Variants in EPHB1 observed in about 807,000 individuals in gnomAD.
EPHB1 encodes EPH receptor B1, also known as ephrin type-B receptor 1.
In EPHB1, 30 loss-of-function variants were observed where a neutral mutation model predicts 94.4. The observed-to-expected ratio is 0.32, with a 90% confidence interval of 0.24 to 0.43. The LOEUF (loss-of-function observed/expected upper bound fraction) is 0.43, where lower values mean the gene tolerates loss of function less well. Among genes scored for constraint, EPHB1 ranks in the 20% least tolerant of loss-of-function variants. The pLI, the probability that EPHB1 is intolerant of heterozygous loss-of-function variation, is 1.00. For synonymous variants in EPHB1, 522 were observed against 489.1 expected, an observed-to-expected ratio of 1.07 and a Z score of -0.89; for missense variants, 1,055 against 1,308.3, an observed-to-expected ratio of 0.81 and a Z score of 2.99.
At chr3:135,165,325 G>A (rs1214668718) in intron 7 of EPHB1, among the ~76,000 whole-genome samples, 2 of 152,172 alleles carry the variant, frequency 1.3e-5, no homozygotes, top group African/African-American at 4.8e-5. Context: ...ACATGGTAAC[G>A]CCAGGGTTTA....
chr3:135,042,902 C>T (rs930922052), intron 3 of EPHB1, among the ~76,000 whole-genome samples: 4 of 152,002 alleles, frequency 2.6e-5, no homozygotes, highest in Admixed American at 1.3e-4. Flanking sequence ...AGTGCAGTGG[C>T]GCAATCTCGG....
chr3:134,842,279 A>G (rs2036790960), intron 1 of EPHB1, among the ~76,000 whole-genome samples: 1 of 152,182 alleles, frequency 6.6e-6, no homozygotes, highest in South Asian at 2.1e-4. Context: ...GAGAACTGTG[A>G]GACATAAATT....
intron 4 of EPHB1, among the ~76,000 whole-genome samples, chr3:135,110,581 G>A: frequency 6.6e-6 from 1 of 152,178 alleles, no homozygotes; most frequent in Non-Finnish European, 1.5e-5. Flanking sequence ...CAAATTACGA[G>A]GTTGTGAGAA....
At chr3:135,254,746 G>A (rs1392396933) in intron 15 of EPHB1, among the ~76,000 whole-genome samples, 1 of 152,032 alleles carries the variant, frequency 6.6e-6, no homozygotes, top group East Asian at 1.9e-4. Context: ...GAGTTAGGGA[G>A]GATTCCCTCT....
At position 134,795,613 on chromosome 3, in the gene EPHB1, T is replaced by C; in HGVS notation, c.-19T>C. 1 of 1,603,478 alleles carries C rather than the reference T, an allele frequency of 6.2e-7. No homozygotes were observed. The highest frequency in any genetic ancestry group is 8.5e-7 in the Non-Finnish European group (1 of 1,176,104). On this transcript the variant is annotated 5_prime_UTR_variant, in exon 1 of 16. Coordinates refer to ENST00000398015, the MANE Select transcript of EPHB1 (RefSeq NM_004441.5). The stretch of plus-strand genomic sequence containing the variant: ...CTGCTGCCTCGGCTTGGTCTCGGCC[T>C]GCGGGCCGTCGGCCGGCGATGGCCC...
chr3:134,929,731 A>T (rs1303607799), intron 2 of EPHB1, among the ~76,000 whole-genome samples: 2 of 152,180 alleles, frequency 1.3e-5, no homozygotes, highest in African/African-American at 2.4e-5. Flanking sequence ...CCTTGACTTC[A>T]GATTTAAGAC....
chr3:135,166,710 C>T lies in EPHB1; in HGVS notation c.1695-232C>T, dbSNP rs557877986. Among the ~76,000 whole-genome samples the T allele has an allele frequency of 7.9e-5, 12 of 152,346 alleles. No individual in the cohort carries two copies. In the East Asian group the frequency reaches 2.3e-3, roughly 29 times the overall value. On this transcript the variant is annotated intron_variant, in intron 8 of 15. Coordinates refer to ENST00000398015, the MANE Select transcript of EPHB1 (RefSeq NM_004441.5). ...TCTGAATGGGGTCCCACAGTCCCGC[C>T]AGGCTTCTGCAAGACCTTGGCTGGA...
chr3:135,255,712 G>A, intron 15 of EPHB1, among the ~76,000 whole-genome samples: 1 of 151,300 alleles, frequency 6.6e-6, no homozygotes, highest in Non-Finnish European at 1.5e-5. Flanking sequence ...GGGGTGGAGA[G>A]TTCTGTAGAT....
intron 1 of EPHB1, among the ~76,000 whole-genome samples, chr3:134,813,105 G>A (rs941848418): frequency 1.3e-5 from 2 of 152,120 alleles, no homozygotes; most frequent in African/African-American, 4.8e-5. Context: ...AGTGGGCCAT[G>A]ATCTTCTCAA....
intron 3 of EPHB1, among the ~76,000 whole-genome samples, chr3:135,032,278 ATT>A (rs71157317): frequency 7.2e-6 from 1 of 139,178 alleles, no homozygotes; most frequent in Non-Finnish European, 1.6e-5. Context: ...TCTATCTCTG[ATT>A]TTTTTTTTCT....
At chr3:135,086,032 C>A (rs1351906652) in intron 3 of EPHB1, among the ~76,000 whole-genome samples, 4 of 152,042 alleles carry the variant, frequency 2.6e-5, no homozygotes, top group African/African-American at 9.7e-5. Flanking sequence ...AGGCCAGGGC[C>A]CTGGAGAGAA....
chr3:134,797,417 C>G (rs964798496), intron 1 of EPHB1, among the ~76,000 whole-genome samples: 5 of 152,342 alleles, frequency 3.3e-5, no homozygotes, highest in African/African-American at 9.6e-5. Context: ...CCAGACTGGA[C>G]TTGCAGCATT....
At chr3:135,143,526 G>A (rs955642054) in intron 5 of EPHB1, among the ~76,000 whole-genome samples, 12 of 152,150 alleles carry the variant, frequency 7.9e-5, no homozygotes, top group South Asian at 4.1e-4. Flanking sequence ...CACAACTTGC[G>A]GTGGGGTATC....
At chr3:135,242,691 C>T (rs1316393680) in intron 13 of EPHB1, among the ~76,000 whole-genome samples, 2 of 152,114 alleles carry the variant, frequency 1.3e-5, no homozygotes, top group East Asian at 3.9e-4. Flanking sequence ...AATCAGTAAG[C>T]GGTGGAGTTA....
At chr3:134,909,120 G>GGGGGGGC (rs1553864851) in intron 1 of EPHB1, among the ~76,000 whole-genome samples, 42 of 110,604 alleles carry the variant, frequency 3.8e-4, no homozygotes, top group African/African-American at 1.4e-3. Flanking sequence ...GGGGGCGGGG[G>GGGGGGGC]GCGGGCTGGA....
At chr3:134,829,641 T>A (rs899551985) in intron 1 of EPHB1, among the ~76,000 whole-genome samples, 1 of 152,194 alleles carries the variant, frequency 6.6e-6, no homozygotes, top group Non-Finnish European at 1.5e-5. Context: ...TATTGACTTG[T>A]GTCCCCCTAA....
intron 5 of EPHB1, among the ~76,000 whole-genome samples, chr3:135,139,325 G>A (rs1940733558): frequency 6.6e-6 from 1 of 152,224 alleles, no homozygotes; most frequent in Non-Finnish European, 1.5e-5. Flanking sequence ...GAACACAGAA[G>A]AGACTCAACC....
intron 3 of EPHB1, among the ~76,000 whole-genome samples, chr3:135,024,759 C>G (rs1050573377): frequency 1.2e-4 from 18 of 152,190 alleles, no homozygotes; most frequent in African/African-American, 3.4e-4. Context: ...CCATTCTTTT[C>G]CCTAACACTT....
At chr3:135,031,319 C>T (rs368066091) in intron 3 of EPHB1, among the ~76,000 whole-genome samples, 2 of 152,198 alleles carry the variant, frequency 1.3e-5, no homozygotes, top group African/African-American at 4.8e-5. Context: ...TTCTCTCTTT[C>T]TCTGTTTCTT....
Sources: allele counts gnomAD v4.1 joint callset (sites outside exome capture counted in the v4.1 genomes callset), GRCh38; gene constraint gnomAD v4.1.1; transcripts MANE v1.5; gene names NCBI Gene and HGNC (gene_info 2026-07-23, HGNC 2026-07-21).